Variants in ATP11A observed in about 807,000 individuals in gnomAD.
ATP11A encodes the protein phospholipid-transporting ATPase IH.
Under a neutral mutation model 154.4 loss-of-function variants are expected in ATP11A, and 81 were observed. That is an observed-to-expected ratio of 0.52 (90% CI 0.44 to 0.63). The LOEUF is 0.63. Ranked by LOEUF, ATP11A falls within the 30% of genes least tolerant of loss-of-function variation. ATP11A has a pLI of 0.00. For missense variants in ATP11A, 1,316 were observed against 1,474.3 expected (o/e 0.89, Z 1.76); for synonymous variants, 623 against 585.9 (o/e 1.06, Z -0.91).
At chr13:112,809,219 C>G (rs571581628) in intron 4 of ATP11A, among the ~76,000 whole-genome samples, 58 of 152,194 alleles carry the variant, frequency 3.8e-4, no homozygotes, top group African/African-American at 1.4e-3. Flanking sequence ...CTTCAGTTTC[C>G]CCAGAAAGAG....
intron 2 of ATP11A, among the ~76,000 whole-genome samples, chr13:112,788,658 T>G (rs780586381): frequency 7.4e-6 from 1 of 135,434 alleles, no homozygotes; most frequent in Non-Finnish European, 1.6e-5. Context: ...TGGAGACCTA[T>G]TTAATTCACA....
chr13:112,806,145 A>G, intron 3 of ATP11A, 68 bp from the exon 4 acceptor site: 1 of 1,289,592 alleles, frequency 7.8e-7, no homozygotes. Flanking sequence ...GGCTCAGGGC[A>G]AACTAACCTG....
chr13:112,704,345 T>C (rs1405757790), intron 1 of ATP11A, among the ~76,000 whole-genome samples: 1 of 152,194 alleles, frequency 6.6e-6, no homozygotes, highest in Non-Finnish European at 1.5e-5. Flanking sequence ...TGGCGATTGT[T>C]GGAGGAATTA....
intron 27 of ATP11A, among the ~76,000 whole-genome samples, chr13:112,874,848 G>A (rs2140428828): frequency 1.3e-5 from 2 of 152,308 alleles, no homozygotes; most frequent in East Asian, 3.9e-4. Context: ...GAAGGCGATG[G>A]CTCTGTAAGA....
At chr13:112,702,803 C>T (rs1040959133) in intron 1 of ATP11A, among the ~76,000 whole-genome samples, 4 of 152,238 alleles carry the variant, frequency 2.6e-5, no homozygotes, top group African/African-American at 9.6e-5. Flanking sequence ...TGTCTCGCAG[C>T]GCCCCCACCT....
chr13:112,856,177 A>T (rs950900411), intron 20 of ATP11A, 92 bp downstream of exon 20: 23 of 1,276,968 alleles, frequency 1.8e-5, no homozygotes, highest in Non-Finnish European at 2.5e-5. Context: ...ATTGTTAAAC[A>T]ATCTAGCAGG....
In ATP11A at chr13:112,696,176, A is replaced by G. The variant is rs988413796; in HGVS notation, c.39+5721A>G. Among the ~76,000 whole-genome samples, 21 of 152,188 alleles carry G rather than the reference A, an allele frequency of 1.4e-4. No individual in the cohort carries two copies. The highest frequency in any genetic ancestry group is 2.8e-4 in the Non-Finnish European group (19 of 68,032). ...GGTCTGTGCAGTGACGGGACAGGTC[A>G]CGGCGCTCGTGCACGCTGGGTGCCC... On this transcript the variant is annotated intron_variant, in intron 1 of 29. Transcript: ENST00000375645. This position sits in a 1 kb window ranked among gnomAD's most constrained non-coding sequence, Gnocchi z 6.2.
chr13:112,737,417 AC>A (rs1302125287), intron 1 of ATP11A, among the ~76,000 whole-genome samples: 3 of 152,176 alleles, frequency 2.0e-5, no homozygotes, highest in African/African-American at 7.2e-5. Context: ...ACAGATCATG[AC>A]TCATGTGGCG....
At chr13:112,861,700 C>G (rs2080107373) in intron 24 of ATP11A, among the ~76,000 whole-genome samples, 1 of 152,222 alleles carries the variant, frequency 6.6e-6, no homozygotes, top group African/African-American at 2.4e-5. Context: ...AAAGTAATCA[C>G]TGTAGGTGAT....
At chr13:112,835,471 A>T (rs1000879627) in intron 15 of ATP11A, among the ~76,000 whole-genome samples, 34 of 152,204 alleles carry the variant, frequency 2.2e-4, no homozygotes, top group African/African-American at 8.2e-4. Flanking sequence ...TCTCCACAGC[A>T]CCCTGGGCTT....
chr13:112,881,063 G>C, intron 29 of ATP11A: 3 of 988,004 alleles, frequency 3.0e-6, no homozygotes, highest in Non-Finnish European at 3.6e-6. Flanking sequence ...CAGGTCTTCT[G>C]TGTGCCAGCC....
intron 1 of ATP11A, among the ~76,000 whole-genome samples, chr13:112,719,785 A>G (rs1888942650): frequency 6.6e-6 from 1 of 152,198 alleles, no homozygotes; most frequent in Non-Finnish European, 1.5e-5. Flanking sequence ...TCACTTCTTT[A>G]AAGTTCCATT....
chr13:112,735,961 G>A (rs1286691344), intron 1 of ATP11A, among the ~76,000 whole-genome samples: 2 of 152,050 alleles, frequency 1.3e-5, no homozygotes, highest in Non-Finnish European at 1.5e-5. Flanking sequence ...CCGCACCTCC[G>A]TCTGCACATG....
intron 25 of ATP11A, among the ~76,000 whole-genome samples, chr13:112,867,852 C>T (rs1269935613): frequency 6.6e-6 from 1 of 152,214 alleles, no homozygotes; most frequent in African/African-American, 2.4e-5. Context: ...GTGCTCACCC[C>T]TGAGAATCTC....
intron 1 of ATP11A, among the ~76,000 whole-genome samples, chr13:112,720,859 GT>G (rs1889090206): frequency 6.6e-6 from 1 of 152,172 alleles, no homozygotes; most frequent in Non-Finnish European, 1.5e-5. Flanking sequence ...TTTGACATCA[GT>G]ACCTAAAATC....
In ATP11A at chr13:112,807,169, C is replaced by T. The variant is rs551881000; in HGVS notation, c.333+876C>T. On this transcript the variant is annotated intron_variant, in intron 4 of 29. Transcript: ENST00000375645. The surrounding 1 kb of genome is among the most constrained non-coding windows in gnomAD (Gnocchi z 4.5). ...AGAGGGCATGGCGAGGGAGGCACCA[C>T]GGGCCGCCGGCAGGAGCGTGGCGGA... Among the ~76,000 whole-genome samples the T allele has an allele frequency of 5.9e-5, 9 of 152,330 alleles. No homozygotes were observed. The highest frequency in any genetic ancestry group is 2.1e-4 in the South Asian group (1 of 4,832).
intron 25 of ATP11A, among the ~76,000 whole-genome samples, chr13:112,868,188 G>A (rs1045061203): frequency 6.6e-6 from 1 of 152,228 alleles, no homozygotes; most frequent in Non-Finnish European, 1.5e-5. Flanking sequence ...TTTGATAGAC[G>A]TAGGATGCGA....
intron 1 of ATP11A, among the ~76,000 whole-genome samples, chr13:112,725,460 G>A (rs1889741771): frequency 6.6e-6 from 1 of 152,190 alleles, no homozygotes; most frequent in African/African-American, 2.4e-5. Flanking sequence ...CTCAGCCGCT[G>A]CCTTCACTCA....
intron 3 of ATP11A, among the ~76,000 whole-genome samples, chr13:112,805,524 A>T (rs57762942): frequency 0.011 from 1,670 of 152,190 alleles, 32 homozygotes; most frequent in African/African-American, 0.038. Context: ...AAAAATACAA[A>T]AATTAGCTGG....
Sources: allele counts gnomAD v4.1 joint callset (sites outside exome capture counted in the v4.1 genomes callset), GRCh38; gene constraint gnomAD v4.1.1; non-coding constraint Gnocchi (gnomAD v3.1); transcripts MANE v1.5; gene names NCBI Gene and HGNC (gene_info 2026-07-23, HGNC 2026-07-21).